Variants in CEP295 observed in about 807,000 individuals in gnomAD.
The protein encoded by CEP295 is centrosomal protein 295.
A neutral mutation model predicts 291.6 loss-of-function variants in CEP295; 190 were observed. The observed-to-expected ratio is 0.65, with a 90% CI of 0.58 to 0.73. The LOEUF (loss-of-function observed/expected upper bound fraction) is 0.73, where lower values mean the gene tolerates loss of function less well. Ranked by LOEUF, CEP295 falls within the 30% of genes least tolerant of loss-of-function variation. The pLI, the probability that CEP295 is intolerant of heterozygous loss-of-function variation, is 0.00. For missense variants in CEP295, 2,863 were observed against 2,949.4 expected (o/e 0.97, Z 0.68); for synonymous variants, 993 against 1,038.8 (o/e 0.96, Z 0.85).
intron 10 of CEP295, among the ~76,000 whole-genome samples, chr11:93,689,204 A>G (rs116569151): frequency 0.012 from 1,897 of 152,278 alleles, 34 homozygotes; most frequent in African/African-American, 0.042. Context: ...TCTTAAAAAC[A>G]AGTAATCTCA....
intron 7 of CEP295, among the ~76,000 whole-genome samples, chr11:93,681,359 C>G (rs1305098110): frequency 7.0e-6 from 1 of 143,388 alleles, no homozygotes; most frequent in African/African-American, 2.6e-5. Flanking sequence ...GCCTCAGCCT[C>G]CTAAGTAGCT....
Position 93,723,187 on chromosome 11 carries a change from C to T in CEP295, c.6094C>T (p.Pro2032Ser). The change falls in exon 21 of 30, where the codon CCT becomes TCT. Residue 2032 changes from proline to serine, a missense_variant. Coordinates refer to ENST00000325212, the MANE Select transcript of CEP295 (RefSeq NM_033395.2). ...TTCAGACGTTCATAAATCTCTGTTG[C>T]CTGCAGTGGATGAAACTACATGTGG... Reference protein sequence around the residue: ...NSSDVHKSLLPAVDETTCGHT... With the variant: ...NSSDVHKSLLSAVDETTCGHT... The T allele has an allele frequency of 6.4e-7, 1 of 1,551,972 alleles. No individual in the cohort carries two copies. Among genetic ancestry groups the T allele is most frequent in the Non-Finnish European group, 8.7e-7 (1 of 1,147,016 alleles).
At chr11:93,696,595 A>T in intron 14 of CEP295, 87 bp from the exon 15 acceptor site, 1 of 1,257,646 alleles carries the variant, frequency 8.0e-7, no homozygotes, top group Non-Finnish European at 1.1e-6. Flanking sequence ...CCAACCCTAG[A>T]TTGCTGTTTG....
At position 93,706,935 on chromosome 11, in the gene CEP295, G is replaced by A. The variant is rs189615392; in HGVS notation, c.5749+38G>A. The A allele has an allele frequency of 6.9e-6, 10 of 1,447,214 alleles. No individual in the cohort carries two copies. In the Admixed American group the frequency reaches 1.3e-4, roughly 19 times the overall value. The allele number at this position is 1,447,214 out of a possible 1,614,324, so 89.6% of individuals were successfully genotyped here. On this transcript the variant is annotated intron_variant, in intron 18 of 29. Transcript: ENST00000325212. ...TGGAAAGTGGAATTGTATGCACAAGGATATGTGGACAAAAGATATTTATTA... is the reference window on the plus strand; with the variant it reads ...TGGAAAGTGGAATTGTATGCACAAGAATATGTGGACAAAAGATATTTATTA...
intron 12 of CEP295, 117 bp downstream of exon 12, chr11:93,692,147 C>T (rs1483164526): frequency 8.0e-6 from 5 of 625,364 alleles, no homozygotes; most frequent in African/African-American, 1.8e-5. Flanking sequence ...ATGTTTTTGA[C>T]ATTGTCTTAC....
intron 1 of CEP295, among the ~76,000 whole-genome samples, chr11:93,662,528 A>G (rs1482190462): frequency 6.6e-6 from 1 of 152,228 alleles, no homozygotes; most frequent in Non-Finnish European, 1.5e-5. Context: ...GATAAGTAGT[A>G]TAATCTTCAA....
At chr11:93,726,118 G>GTT (rs775412640) in intron 23 of CEP295, among the ~76,000 whole-genome samples, 11 of 151,664 alleles carry the variant, frequency 7.3e-5, no homozygotes, top group Non-Finnish European at 1.6e-4. Context: ...TGTTTTTTTT[G>GTT]TTTTTGTTTT....
In CEP295 at chr11:93,727,284, C is replaced by T. The variant is rs763588346; in HGVS notation, c.6808C>T (p.His2270Tyr). 2.1e-5 allele frequency: 32 copies of T among 1,551,656 alleles called. No individual in the cohort carries two copies. The highest frequency in any genetic ancestry group is 2.8e-5 in the Non-Finnish European group (32 of 1,146,944). The change falls in exon 24 of 30, where the codon CAC becomes TAC. Residue 2270 changes from histidine (H) to tyrosine (Y), a missense_variant. His to Tyr is a moderately conservative substitution (Grantham distance 83). Coordinates refer to ENST00000325212, the MANE Select transcript of CEP295 (RefSeq NM_033395.2). The part of the protein sequence containing the change: ...GSNSSECSTK[H>Y]QLESRKESMG... The stretch of plus-strand genomic sequence containing the variant: ...TAACTCTAGTGAGTGCTCAACAAAA[C>T]ACCAACTAGAAAGCAGAAAGGAAAG...
chr11:93,666,609 A>G lies in CEP295; in HGVS notation c.-26-73A>G, dbSNP rs956865184. On this transcript the variant is annotated intron_variant, in intron 1 of 29. Transcript: ENST00000325212. ...ACTCTGTCTCAAAAAAAAACAAACA[A>G]AATTATTCTAATCTTTGCTGCCCTA... 2.6e-5 allele frequency: 17 copies of G among 643,224 alleles called. No individual in the cohort carries two copies. The African/African-American group carries it at 2.7e-4, about 10-fold the overall frequency. 39.8% of individuals were successfully genotyped at this position (643,224 alleles called of 1,614,324 possible). A position where few individuals can be genotyped will look rare whatever the true frequency, so the allele number is the denominator to read the frequency against.
chr11:93,706,164 G>A (rs1413480133), intron 17 of CEP295, among the ~76,000 whole-genome samples: 2 of 152,174 alleles, frequency 1.3e-5, no homozygotes, highest in African/African-American at 4.8e-5. Flanking sequence ...ACTCTTCCAA[G>A]TGCATAGTCT....
Position 93,698,720 on chromosome 11 carries a change from G to C in CEP295, c.3808G>C (p.Ala1270Pro), listed in dbSNP as rs1951975839. 1 of 1,551,536 alleles carries C rather than the reference G, an allele frequency of 6.4e-7. No homozygotes were observed. The highest frequency in any genetic ancestry group is 8.7e-7 in the Non-Finnish European group (1 of 1,147,042). The change falls in exon 15 of 30, where the codon GCC becomes CCC. Residue 1270 changes from alanine to proline, a missense_variant. Ala to Pro is a conservative substitution (Grantham distance 27). This residue lies in a region of CEP295 where 2,295 missense variants were observed against 2,335.7 expected (regional missense o/e 0.98). Transcript: ENST00000325212. ...AGCATGGCTAGACACTGAGAAAGAA[G>C]CCTTTCATTTCAGCCAGAAAACCCA... ...HQAWLDTEKEAFHFSQKTQEN... is the reference protein window; with the variant it reads ...HQAWLDTEKEPFHFSQKTQEN...
At chr11:93,680,474 C>G (rs1386633291) in intron 7 of CEP295, among the ~76,000 whole-genome samples, 1 of 152,068 alleles carries the variant, frequency 6.6e-6, no homozygotes, top group Non-Finnish European at 1.5e-5. Context: ...GCGTGGTGGC[C>G]TGGGACTACA....
intron 10 of CEP295, among the ~76,000 whole-genome samples, chr11:93,689,162 C>T (rs1951392355): frequency 6.6e-6 from 1 of 152,150 alleles, no homozygotes; most frequent in Non-Finnish European, 1.5e-5. Flanking sequence ...GCCTTTGCAC[C>T]TCCCTGTTAT....
intron 9 of CEP295, among the ~76,000 whole-genome samples, chr11:93,685,700 CTTTGTTTGTTTG>C (rs55948111): frequency 6.6e-6 from 1 of 150,576 alleles, no homozygotes; most frequent in East Asian, 2.0e-4. Flanking sequence ...TCAGCTGTGT[CTTTGTTTGTTTG>C]TTTGTTTGTT....
intron 18 of CEP295, among the ~76,000 whole-genome samples, chr11:93,715,533 C>T (rs945309417): frequency 1.3e-5 from 2 of 152,096 alleles, no homozygotes; most frequent in African/African-American, 4.8e-5. Flanking sequence ...TTTATTCTTC[C>T]CTCTGCTTTT....
chr11:93,699,182 A>G lies in CEP295; in HGVS notation c.4270A>G (p.Ser1424Gly). 1 of 1,551,974 alleles carries G rather than the reference A, an allele frequency of 6.4e-7. No individual in the cohort carries two copies. Among genetic ancestry groups the G allele is most frequent in the Non-Finnish European group, 8.7e-7 (1 of 1,147,034 alleles). ...AAACCAAGAACCATGTTCAATTAAC[A>G]GTGATAATATAGTATCCTCAGGTCA... is the stretch of plus-strand genomic sequence containing the variant. Reference protein sequence around the residue: ...ERNQEPCSINSDNIVSSGHSE... With the variant: ...ERNQEPCSINGDNIVSSGHSE... The change falls in exon 15 of 30, where the codon AGT becomes GGT. Residue 1424 changes from serine to glycine, a missense_variant. Coordinates refer to ENST00000325212, the MANE Select transcript of CEP295 (RefSeq NM_033395.2).
intron 2 of CEP295, 144 bp from the exon 3 acceptor site, chr11:93,667,463 A>G: frequency 1.7e-6 from 1 of 593,636 alleles, no homozygotes; most frequent in Non-Finnish European, 2.9e-6. Context: ...TCTGCTTTAA[A>G]TAGTCTTTAT....
At chr11:93,670,324 A>G (rs1226076663) in intron 5 of CEP295, among the ~76,000 whole-genome samples, 3 of 152,032 alleles carry the variant, frequency 2.0e-5, no homozygotes, top group Non-Finnish European at 4.4e-5. Context: ...GGAAAAAAAT[A>G]TTATAAAATA....
At chr11:93,685,231 T>C (rs548650811) in intron 9 of CEP295, among the ~76,000 whole-genome samples, 50 of 152,348 alleles carry the variant, frequency 3.3e-4, no homozygotes, top group African/African-American at 1.2e-3. Context: ...GTATTTCCTT[T>C]GTTTAAAACC....
Sources: allele counts gnomAD v4.1 joint callset (sites outside exome capture counted in the v4.1 genomes callset), GRCh38; gene constraint gnomAD v4.1.1; regional missense constraint gnomAD v4.1.1; transcripts MANE v1.5; gene names NCBI Gene and HGNC (gene_info 2026-07-23, HGNC 2026-07-21).